ROBO1: variants seen among roughly 807,000 people sequenced by gnomAD.
The protein encoded by ROBO1 is roundabout guidance receptor 1, also known as roundabout homolog 1.
ROBO1 carries 149 observed loss-of-function variants against 195.9 expected under a neutral mutation model. That is an observed-to-expected ratio of 0.76 (90% CI 0.67 to 0.87). The LOEUF (loss-of-function observed/expected upper bound fraction) is 0.87, where lower values mean the gene tolerates loss of function less well. ROBO1 is among the 40% of genes least tolerant of loss of function. The probability of loss-of-function intolerance (pLI) is 0.00; values close to 1 mark genes in which losing one functional copy is unlikely to be tolerated. For missense variants in ROBO1, 1,933 were observed against 2,068.3 expected (o/e 0.93, Z 1.27); for synonymous variants, 816 against 733.2 (o/e 1.11, Z -1.82).
intron 3 of ROBO1, among the ~76,000 whole-genome samples, chr3:78,983,491 T>C (rs2077041690): frequency 6.6e-6 from 1 of 152,262 alleles, no homozygotes; most frequent in African/African-American, 2.4e-5. Flanking sequence ...TTTGCTATAA[T>C]GCTGATCAAA....
At chr3:79,572,099 A>C (rs7646356) in intron 2 of ROBO1, among the ~76,000 whole-genome samples, 19,017 of 152,156 alleles carry the variant, frequency 0.12, 1,353 homozygotes, top group African/African-American at 0.18. Flanking sequence ...ACATGTATAC[A>C]TAATGTAACT....
chr3:79,433,027 C>G (rs1159972509), intron 2 of ROBO1, among the ~76,000 whole-genome samples: 1 of 152,118 alleles, frequency 6.6e-6, no homozygotes, highest in African/African-American at 2.4e-5. Context: ...TGTCCAACTT[C>G]TATTTGAAGT....
In ROBO1 at chr3:79,259,430, A is replaced by C. The variant is rs187786557; in HGVS notation, c.89-133891T>G. On this transcript the variant is annotated intron_variant, in intron 2 of 30. Transcript: ENST00000464233. ...GCTGGGATTACAGGTGTGAGCCACCATGCCTGGCCTAAGCACACTCTTTCA... is the reference window on the plus strand; with the variant it reads ...GCTGGGATTACAGGTGTGAGCCACCCTGCCTGGCCTAAGCACACTCTTTCA... 3.1e-3 allele frequency among the ~76,000 whole-genome samples: 464 copies of C among 151,918 alleles called. 2 individuals are homozygous for C. Among genetic ancestry groups the C allele is most frequent in the Non-Finnish European group, 3.3e-3 (224 of 67,886 alleles).
intron 1 of ROBO1, among the ~76,000 whole-genome samples, chr3:79,619,264 C>G (rs939683361): frequency 6.6e-6 from 1 of 152,134 alleles, no homozygotes; most frequent in African/African-American, 2.4e-5. Flanking sequence ...CTGCTCACCA[C>G]CCCCTTCTCT....
chr3:79,125,505 C>T lies in ROBO1; in HGVS notation c.123G>A (p.Gly41=). ...CGTTATCAGAGGTGGGGATTGGCGT[C>T]CCGTGGTCGTTCCCCCTCTCTACAT... ...PEDVERGNDH[G]TPIPTSDNDD... Residue 41 remains glycine, a synonymous_variant, in exon 3 of 31, where the codon GGG becomes GGA. Coordinates refer to ENST00000464233, the MANE Select transcript of ROBO1 (RefSeq NM_002941.4). 2.5e-6 allele frequency: 4 copies of T among 1,613,648 alleles called. No individual in the cohort carries two copies. The highest frequency in any genetic ancestry group is 3.4e-6 in the Non-Finnish European group (4 of 1,179,752).
chr3:78,779,126 A>C (rs567838624), intron 4 of ROBO1, among the ~76,000 whole-genome samples: 1 of 152,188 alleles, frequency 6.6e-6, no homozygotes, highest in Non-Finnish European at 1.5e-5. Flanking sequence ...TAAAGACTTA[A>C]ATGTAAAACC....
At chr3:78,966,880 C>G (rs1186659523) in intron 3 of ROBO1, among the ~76,000 whole-genome samples, 1 of 152,190 alleles carries the variant, frequency 6.6e-6, no homozygotes, top group African/African-American at 2.4e-5. Context: ...ACAACTCTTT[C>G]TTCAGTCCTA....
At chr3:78,788,345 C>G (rs1248657728) in intron 4 of ROBO1, among the ~76,000 whole-genome samples, 3 of 149,968 alleles carry the variant, frequency 2.0e-5, no homozygotes, top group Non-Finnish European at 4.4e-5. Context: ...GTCTCGATCT[C>G]CTGACCTCGT....
intron 2 of ROBO1, among the ~76,000 whole-genome samples, chr3:79,143,732 C>A (rs887798790): frequency 5.3e-4 from 81 of 151,948 alleles, no homozygotes; most frequent in African/African-American, 1.9e-3. Flanking sequence ...GTGGTAACAT[C>A]TTGCAAAACT....
chr3:79,725,223 CT>C lies in ROBO1; in HGVS notation c.-51+42528del, dbSNP rs35418345. On this transcript the variant is annotated intron_variant, in intron 1 of 30. Coordinates refer to ENST00000464233, the MANE Select transcript of ROBO1 (RefSeq NM_002941.4). The stretch of plus-strand genomic sequence containing the variant: ...CCTTATGAGAAACATCTCTCTTCTT[CT>C]TTTTTTTTTTTTTTTTTTTTGAGAC... 8.0e-3 allele frequency among the ~76,000 whole-genome samples: 847 copies of C among 106,490 alleles called. 2 individuals carry two copies. Among genetic ancestry groups the C allele is most frequent in the African/African-American group, 0.028 (777 of 28,052 alleles). 69.9% of individuals were successfully genotyped at this position (106,490 alleles called of 152,430 possible).
At chr3:78,795,177 C>T (rs2084146682) in intron 4 of ROBO1, among the ~76,000 whole-genome samples, 3 of 152,178 alleles carry the variant, frequency 2.0e-5, no homozygotes, top group Admixed American at 2.0e-4. Flanking sequence ...TAACCTTATT[C>T]TCCAACTACA....
At chr3:79,339,120 G>T (rs535484804) in intron 2 of ROBO1, among the ~76,000 whole-genome samples, 2 of 151,980 alleles carry the variant, frequency 1.3e-5, no homozygotes, top group Non-Finnish European at 2.9e-5. Context: ...ACTTTCTATT[G>T]CCAGCCCCCA....
At chr3:79,463,100 G>A (rs1256542120) in intron 2 of ROBO1, among the ~76,000 whole-genome samples, 1 of 152,136 alleles carries the variant, frequency 6.6e-6, no homozygotes, top group Non-Finnish European at 1.5e-5. Flanking sequence ...AAGGCCGGGC[G>A]AGGTGGCTCA....
At chr3:78,609,495 C>G (rs1359016147) in intron 28 of ROBO1, among the ~76,000 whole-genome samples, 1 of 152,192 alleles carries the variant, frequency 6.6e-6, no homozygotes, top group Admixed American at 6.5e-5. Flanking sequence ...CACACACACA[C>G]AGAGACAGCC....
intron 1 of ROBO1, among the ~76,000 whole-genome samples, chr3:79,729,322 G>C (rs1290684580): frequency 2.0e-5 from 3 of 152,166 alleles, no homozygotes; most frequent in African/African-American, 7.2e-5. Flanking sequence ...CTGGCTGAGG[G>C]AAAGTTAGAG....
chr3:79,328,798 C>G (rs570021484), intron 2 of ROBO1, among the ~76,000 whole-genome samples: 6 of 151,952 alleles, frequency 3.9e-5, no homozygotes, highest in Non-Finnish European at 5.9e-5. Flanking sequence ...CCGTCACCCC[C>G]CTCCCATCTT....
intron 3 of ROBO1, among the ~76,000 whole-genome samples, chr3:79,040,912 C>A (rs2078476429): frequency 1.3e-5 from 2 of 152,270 alleles, no homozygotes; most frequent in South Asian, 4.1e-4. Context: ...AAGGCTATGA[C>A]TCTTCACAGT....
chr3:78,606,159 A>C (rs528241926), intron 29 of ROBO1, among the ~76,000 whole-genome samples: 5 of 152,200 alleles, frequency 3.3e-5, no homozygotes, highest in African/African-American at 4.8e-5. Context: ...CCTTCAGAAT[A>C]GTATCCCTGG....
chr3:79,666,036 A>T (rs1946466902), intron 1 of ROBO1, among the ~76,000 whole-genome samples: 1 of 151,978 alleles, frequency 6.6e-6, no homozygotes, highest in African/African-American at 2.4e-5. Context: ...TCTAAAATAA[A>T]AAACATTAAA....
Sources: allele counts gnomAD v4.1 joint callset (sites outside exome capture counted in the v4.1 genomes callset), GRCh38; gene constraint gnomAD v4.1.1; transcripts MANE v1.5; gene names NCBI Gene and HGNC (gene_info 2026-07-23, HGNC 2026-07-21).